Variants in TTC17 observed in about 807,000 individuals in gnomAD.
The protein encoded by TTC17 is tetratricopeptide repeat protein 17.
Under a neutral mutation model 143.8 loss-of-function variants are expected in TTC17, and 58 were observed. That is an observed-to-expected ratio of 0.40 (90% CI 0.33 to 0.50). The LOEUF is 0.50. Ranked by LOEUF, TTC17 falls within the 20% of genes least tolerant of loss-of-function variation. TTC17 has a pLI of 0.49. For synonymous variants in TTC17, 501 were observed against 497.8 expected (o/e 1.01, Z -0.09); for missense variants, 1,273 against 1,392.5 (o/e 0.91, Z 1.37).
chr11:43,444,987 A>G (rs1055355857), intron 18 of TTC17, among the ~76,000 whole-genome samples: 13 of 152,234 alleles, frequency 8.5e-5, no homozygotes, highest in African/African-American at 2.9e-4. Context: ...TCATCTTACA[A>G]GTGCCATAGA....
chr11:43,486,851 C>T (rs2134481715), intron 21 of TTC17, among the ~76,000 whole-genome samples: 1 of 152,046 alleles, frequency 6.6e-6, no homozygotes, highest in South Asian at 2.1e-4. Context: ...GCCTGGACAA[C>T]ATGGCAAAAT....
At chr11:43,377,289 T>C (rs1397761625) in intron 1 of TTC17, among the ~76,000 whole-genome samples, 1 of 151,500 alleles carries the variant, frequency 6.6e-6, no homozygotes, top group Admixed American at 6.6e-5. Context: ...TAAGATTCCG[T>C]CTAAAAAAAA....
At chr11:43,393,607 C>T (rs889222306) in intron 5 of TTC17, among the ~76,000 whole-genome samples, 1 of 152,166 alleles carries the variant, frequency 6.6e-6, no homozygotes, top group African/African-American at 2.4e-5. Context: ...TCTCTCCCCT[C>T]CCCGAAGGAC....
chr11:43,423,514 A>G (rs1443363904), intron 16 of TTC17, among the ~76,000 whole-genome samples: 3 of 152,216 alleles, frequency 2.0e-5, no homozygotes, highest in Non-Finnish European at 4.4e-5. Flanking sequence ...CATGAAGTTT[A>G]GAAGAACAGA....
At chr11:43,387,182 T>A (rs560840298) in intron 2 of TTC17, among the ~76,000 whole-genome samples, 1 of 152,302 alleles carries the variant, frequency 6.6e-6, no homozygotes, top group South Asian at 2.1e-4. Context: ...TATGAAAATA[T>A]GTTCAATCTT....
chr11:43,491,914 A>C (rs1948480321), intron 22 of TTC17, 106 bp from the exon 23 acceptor site: 1 of 1,474,004 alleles, frequency 6.8e-7, no homozygotes, highest in Non-Finnish European at 9.3e-7. Flanking sequence ...GCACTGTTCT[A>C]ATCATTCACC....
At chr11:43,435,656 G>A (rs866299512) in intron 16 of TTC17, among the ~76,000 whole-genome samples, 20 of 152,224 alleles carry the variant, frequency 1.3e-4, no homozygotes, top group Middle Eastern at 3.4e-3. Flanking sequence ...AGCCTTAATT[G>A]TTGACTTTCT....
chr11:43,419,019 C>G (rs1946840805), intron 16 of TTC17, among the ~76,000 whole-genome samples: 2 of 152,042 alleles, frequency 1.3e-5, no homozygotes, highest in African/African-American at 4.8e-5. Context: ...TAGCATAAAA[C>G]CAATAGGTTC....
chr11:43,368,522 T>G (rs964772774), intron 1 of TTC17, among the ~76,000 whole-genome samples: 1 of 152,178 alleles, frequency 6.6e-6, no homozygotes, highest in African/African-American at 2.4e-5. Flanking sequence ...TCCAGAATGT[T>G]TCCTGAATCC....
At chr11:43,469,260 T>C (rs1667662506) in intron 21 of TTC17, among the ~76,000 whole-genome samples, 1 of 152,174 alleles carries the variant, frequency 6.6e-6, no homozygotes, top group Non-Finnish European at 1.5e-5. Flanking sequence ...AACCCTCATA[T>C]GTTGCTAGTG....
chr11:43,484,668 G>A (rs1256326140), intron 21 of TTC17, among the ~76,000 whole-genome samples: 1 of 152,112 alleles, frequency 6.6e-6, no homozygotes, highest in Admixed American at 6.5e-5. Context: ...AATAAAGTGA[G>A]AGTTGCCTTA....
chr11:43,494,052 G>T lies in TTC17; in HGVS notation c.*148G>T. 1 of 1,192,950 alleles carries T rather than the reference G, an allele frequency of 8.4e-7. No homozygotes were observed. Among genetic ancestry groups the T allele is most frequent in the Non-Finnish European group, 1.1e-6 (1 of 887,188 alleles). 73.9% of individuals were successfully genotyped at this position (1,192,950 alleles called of 1,614,324 possible). On this transcript the variant is annotated 3_prime_UTR_variant, in exon 24 of 24. Coordinates refer to ENST00000039989, the MANE Select transcript of TTC17 (RefSeq NM_018259.6). ...AGGACTTTTACATATGTGGGAATTG[G>T]TTTGTTTTTGTTTTTACGTTTCTCC...
At position 43,492,147 on chromosome 11, in the gene TTC17, A is replaced by G. The variant is rs146209758; in HGVS notation, c.3278A>G (p.Asn1093Ser). The G allele has an allele frequency of 3.7e-6, 6 of 1,613,946 alleles. No individual in the cohort carries two copies. The highest frequency in any genetic ancestry group is 3.3e-5 in the Admixed American group (2 of 59,986). Residue 1093 changes from asparagine to serine, a missense_variant, in exon 23 of 24, where the codon AAT becomes AGT. By Grantham distance (46) the Asn-to-Ser change is conservative. This residue lies in a region of TTC17 where 878 missense variants were observed against 899.8 expected (regional missense o/e 0.98). Transcript: ENST00000039989. Reference sequence around the variant, plus strand: ...GCTGTGAACCACTTCACTCTGGGCAATGTCTACGTGGCAATGGTGAGATGG... The same window carrying G: ...GCTGTGAACCACTTCACTCTGGGCAGTGTCTACGTGGCAATGGTGAGATGG... ...HFAVNHFTLG[N>S]VYVAMEEFEK...
intron 1 of TTC17, among the ~76,000 whole-genome samples, chr11:43,368,028 A>T (rs1432388094): frequency 2.0e-5 from 3 of 152,208 alleles, no homozygotes; most frequent in African/African-American, 7.2e-5. Context: ...TGTGCAACTA[A>T]GCAACTTTTT....
chr11:43,474,649 C>T (rs1948152227), intron 21 of TTC17, among the ~76,000 whole-genome samples: 1 of 152,098 alleles, frequency 6.6e-6, no homozygotes, highest in African/African-American at 2.4e-5. Context: ...TTACAGTTGA[C>T]CCTTGAACAG....
intron 2 of TTC17, among the ~76,000 whole-genome samples, chr11:43,380,722 T>A (rs1238218998): frequency 2.6e-5 from 4 of 152,236 alleles, no homozygotes; most frequent in Non-Finnish European, 4.4e-5. Flanking sequence ...GAGAAGACTT[T>A]AGCACATGGT....
chr11:43,376,828 A>G (rs1263908902), intron 1 of TTC17, among the ~76,000 whole-genome samples: 2 of 152,230 alleles, frequency 1.3e-5, no homozygotes. Flanking sequence ...TGAGAAATGT[A>G]TCAGATGATT....
chr11:43,421,610 T>A (rs993923289), intron 16 of TTC17, among the ~76,000 whole-genome samples: 1 of 152,144 alleles, frequency 6.6e-6, no homozygotes, highest in Admixed American at 6.5e-5. Context: ...TTGTAAACTA[T>A]GCATGCACGG....
intron 1 of TTC17, among the ~76,000 whole-genome samples, chr11:43,363,740 C>T (rs1459910639): frequency 2.0e-5 from 3 of 152,088 alleles, no homozygotes; most frequent in Non-Finnish European, 2.9e-5. Context: ...CATTTCGTGG[C>T]AATAGTAAGT....
Sources: gnomAD v4.1 joint callset for allele counts (sites outside exome capture counted in the v4.1 genomes callset) on GRCh38, gnomAD v4.1.1 for gene constraint, gnomAD v4.1.1 regional missense constraint, MANE v1.5 for transcripts, NCBI Gene and HGNC (gene_info 2026-07-23, HGNC 2026-07-21) for gene names.